ELAPOR2: variants seen among roughly 807,000 people sequenced by gnomAD.
The protein encoded by ELAPOR2 is endosome-lysosome associated apoptosis and autophagy regulator family member 2, also known as endosome/lysosome-associated apoptosis and autophagy regulator family member 2.
ELAPOR2 carries 89 observed loss-of-function variants against 120.7 expected under a neutral mutation model. The ratio of observed to expected loss-of-function variants is 0.74; its 90% CI spans 0.62 to 0.88. ELAPOR2 has a LOEUF of 0.88. Among genes scored for constraint, ELAPOR2 ranks in the 40% least tolerant of loss-of-function variants. The pLI is 0.00. For synonymous variants in ELAPOR2, 444 were observed against 444.9 expected (o/e 1.00, Z 0.03); for missense variants, 1,134 against 1,251.6 (o/e 0.91, Z 1.42).
chr7:86,939,992 CA>C lies in ELAPOR2; in HGVS notation c.847+17del, dbSNP rs1562933804. 1 of 1,525,238 alleles carries C rather than the reference CA, an allele frequency of 6.6e-7. No individual in the cohort carries two copies. Among genetic ancestry groups the C allele is most frequent in the African/African-American group, 1.4e-5 (1 of 72,652 alleles). 94.5% of individuals were successfully genotyped at this position (1,525,238 alleles called of 1,614,324 possible). A position where few individuals can be genotyped will look rare whatever the true frequency, so the allele number is the denominator to read the frequency against. On this transcript the variant is annotated intron_variant, in intron 6 of 21. Transcript: ENST00000450689. ...AAGATGTGACTGGTGACTACTAAAA[CA>C]GAATGCCATGAAATACCTTCAATTG...
At chr7:86,918,760 CT>C (rs1215722443) in intron 11 of ELAPOR2, among the ~76,000 whole-genome samples, 4 of 152,116 alleles carry the variant, frequency 2.6e-5, no homozygotes, top group Admixed American at 6.6e-5. Context: ...GCTTGAACCT[CT>C]TGCTGTAAAT....
At chr7:86,948,679 G>A (rs1195706815) in intron 2 of ELAPOR2, among the ~76,000 whole-genome samples, 1 of 151,722 alleles carries the variant, frequency 6.6e-6, no homozygotes. Context: ...CAGACTCTGA[G>A]AACTGTACCC....
intron 21 of ELAPOR2, among the ~76,000 whole-genome samples, chr7:86,888,121 TAA>T (rs766324047): frequency 2.0e-5 from 3 of 151,972 alleles, no homozygotes; most frequent in East Asian, 3.9e-4. Flanking sequence ...TGATTATAGA[TAA>T]GAGAGATAAT....
chr7:86,908,675 A>G, intron 16 of ELAPOR2, 132 bp from the exon 17 acceptor site: 1 of 473,034 alleles, frequency 2.1e-6, no homozygotes, highest in South Asian at 4.0e-5. Context: ...GTATTATATT[A>G]ATGCATTCAT....
At chr7:87,045,122 G>A in intron 1 of ELAPOR2, among the ~76,000 whole-genome samples, 1 of 113,508 alleles carries the variant, frequency 8.8e-6, no homozygotes, top group African/African-American at 4.3e-5. Context: ...GTGCTGGAGA[G>A]GATGTGGAGA....
At chr7:86,936,204 T>C (rs947285392) in intron 8 of ELAPOR2, among the ~76,000 whole-genome samples, 1 of 151,946 alleles carries the variant, frequency 6.6e-6, no homozygotes, top group African/African-American at 2.4e-5. Context: ...GAATAAAATA[T>C]CTATTTATGT....
intron 1 of ELAPOR2, among the ~76,000 whole-genome samples, chr7:86,983,831 C>T (rs1040352560): frequency 3.3e-5 from 5 of 152,122 alleles, no homozygotes; most frequent in Non-Finnish European, 7.3e-5. Flanking sequence ...AATTCACACA[C>T]AACAATATTA....
chr7:87,040,662 A>T (rs561981538), intron 1 of ELAPOR2, among the ~76,000 whole-genome samples: 3 of 152,238 alleles, frequency 2.0e-5, no homozygotes, highest in Non-Finnish European at 4.4e-5. Flanking sequence ...CAAAGAGGGG[A>T]AAAAACAGAA....
At chr7:86,969,211 T>C (rs1341256915) in intron 1 of ELAPOR2, among the ~76,000 whole-genome samples, 2 of 152,112 alleles carry the variant, frequency 1.3e-5, no homozygotes, top group Non-Finnish European at 2.9e-5. Context: ...AAATTCAGGA[T>C]ACATCCAAGT....
At chr7:87,000,424 C>T (rs1430436391) in intron 1 of ELAPOR2, among the ~76,000 whole-genome samples, 1 of 152,006 alleles carries the variant, frequency 6.6e-6, no homozygotes, top group African/African-American at 2.4e-5. Flanking sequence ...ACAATTCCTG[C>T]CAGAGATGCC....
intron 1 of ELAPOR2, among the ~76,000 whole-genome samples, chr7:87,024,498 T>A (rs1418269535): frequency 1.3e-5 from 2 of 152,204 alleles, no homozygotes; most frequent in African/African-American, 4.8e-5. Flanking sequence ...GCATCAATGT[T>A]CATCAGGGAT....
chr7:87,042,937 C>T (rs536455573), intron 1 of ELAPOR2, among the ~76,000 whole-genome samples: 15 of 152,094 alleles, frequency 9.9e-5, no homozygotes, highest in Non-Finnish European at 2.1e-4. Context: ...ATATCACCAC[C>T]GATCCCACAG....
chr7:87,006,773 T>C (rs1258543719), intron 1 of ELAPOR2, among the ~76,000 whole-genome samples: 1 of 152,188 alleles, frequency 6.6e-6, no homozygotes, highest in Non-Finnish European at 1.5e-5. Context: ...CCACTTATTA[T>C]ATTCAAAATA....
rs528164214 is a variant in ELAPOR2, at chr7:86,936,868, G to A, written c.1089+1258C>T. Among the ~76,000 whole-genome samples, 93 of 152,054 alleles carry A rather than the reference G, an allele frequency of 6.1e-4. 1 individual carries two copies. The Middle Eastern group carries it at 0.017, about 28-fold the overall frequency. On this transcript the variant is annotated intron_variant, in intron 8 of 21. Coordinates refer to ENST00000450689, the MANE Select transcript of ELAPOR2 (RefSeq NM_001142749.3). ...TGCATATTTTCATTGTAGATAAGACGAGATCCTATTTTACATTAGATCCCA... is the reference window on the plus strand; with the variant it reads ...TGCATATTTTCATTGTAGATAAGACAAGATCCTATTTTACATTAGATCCCA...
chr7:87,056,476 C>A (rs1490885304), intron 1 of ELAPOR2, among the ~76,000 whole-genome samples: 1 of 152,214 alleles, frequency 6.6e-6, no homozygotes, highest in African/African-American at 2.4e-5. Context: ...TGTGCTTCAT[C>A]TGCCAGCACT....
At chr7:86,910,130 T>C (rs1789229436) in intron 15 of ELAPOR2, 129 bp from the exon 16 acceptor site, 3 of 681,964 alleles carry the variant, frequency 4.4e-6, no homozygotes, top group African/African-American at 3.7e-5. Context: ...TTAGTTGATC[T>C]GGTATGAGGC....
At chr7:86,880,631 T>C (rs1799356879) in intron 21 of ELAPOR2, 101 bp from the exon 22 acceptor site, 1 of 739,466 alleles carries the variant, frequency 1.4e-6, no homozygotes, top group Non-Finnish European at 2.3e-6. Context: ...CATTTTAACC[T>C]ATCTAGTTGC....
chr7:87,058,585 G>C (rs1415615977), intron 1 of ELAPOR2, among the ~76,000 whole-genome samples: 1 of 152,028 alleles, frequency 6.6e-6, no homozygotes, highest in African/African-American at 2.4e-5. Flanking sequence ...ATCTCCCATA[G>C]TTTATCCTTT....
chr7:87,025,141 A>G (rs1282174822), intron 1 of ELAPOR2, among the ~76,000 whole-genome samples: 1 of 152,106 alleles, frequency 6.6e-6, no homozygotes, highest in African/African-American at 2.4e-5. Flanking sequence ...TAAGTATTTC[A>G]TGCTAAATGT....
Sources: gnomAD v4.1 joint callset for allele counts (sites outside exome capture counted in the v4.1 genomes callset) on GRCh38, gnomAD v4.1.1 for gene constraint, MANE v1.5 for transcripts, NCBI Gene and HGNC (gene_info 2026-07-23, HGNC 2026-07-21) for gene names.